TMC3: variants seen among roughly 807,000 people sequenced by gnomAD.
The protein encoded by TMC3 is transmembrane channel like 3.
In TMC3, 98 loss-of-function variants were observed where a neutral mutation model predicts 110.6. That is an observed-to-expected ratio of 0.89 (90% CI 0.75 to 1.05). The LOEUF (loss-of-function observed/expected upper bound fraction) is 1.05. TMC3 is among the 50% of genes least tolerant of loss of function. TMC3 has a pLI of 0.00. For synonymous variants in TMC3, 489 were observed against 513.1 expected (o/e 0.95, Z 0.63); for missense variants, 1,319 against 1,373.2 (o/e 0.96, Z 0.62).
chr15:81,332,599 A>G lies in TMC3; in HGVS notation c.3123T>C (p.Ser1041=). 6.2e-7 allele frequency: 1 copy of G among 1,614,024 alleles called. No individual in the cohort carries two copies. ...KPRFEPSLTE[S]DSVSAASSSD... The stretch of plus-strand genomic sequence containing the variant: ...TGCTGGATGCTGCCGACACGGAGTC[A>G]GATTCCGTGAGGGATGGCTCGAACC... The change falls in exon 22 of 22, where the codon TCT becomes TCC. Residue 1041 remains serine, a synonymous_variant. Transcript: ENST00000359440.
chr15:81,331,469 GAGCTACACTACACTT>G lies in TMC3; in HGVS notation c.*935_*949del, dbSNP rs1893460264. On this transcript the variant is annotated 3_prime_UTR_variant, in exon 22 of 22. Transcript: ENST00000359440. ...TTCTTCTTTAACTTAGACTATGGGGGAGCTACACTACACTTAGCTTTTGAAGGAAAAAGTAAAAAT... is the reference window on the plus strand; with the variant it reads ...TTCTTCTTTAACTTAGACTATGGGGGAGCTTTTGAAGGAAAAAGTAAAAAT... 6.6e-6 allele frequency: 1 copy of G among 152,136 alleles called. No homozygotes were observed. Among genetic ancestry groups the G allele is most frequent in the African/African-American group, 2.4e-5 (1 of 41,436 alleles). The allele number at this position is 152,136 out of a possible 1,614,324, so 9.4% of individuals were successfully genotyped here.
chr15:81,343,333 C>T lies in TMC3; in HGVS notation c.1660G>A (p.Glu554Lys). The change falls in exon 15 of 22, where the codon GAA becomes AAA. Residue 554 changes from glutamate to lysine, a missense_variant. Transcript: ENST00000359440. Reference protein sequence around the residue: ...DLESKFPEYGEFKIAENVLHL... With the variant: ...DLESKFPEYGKFKIAENVLHL... ...AGCACATTCTCAGCTATTTTGAATT[C>T]TCCATATTCAGGCTACAAGAGAAAA... is the stretch of plus-strand genomic sequence containing the variant. 6.2e-7 allele frequency: 1 copy of T among 1,607,964 alleles called. No individual in the cohort carries two copies. Among genetic ancestry groups the T allele is most frequent in the South Asian group, 1.1e-5 (1 of 90,922 alleles).
chr15:81,356,556 G>C lies in TMC3; in HGVS notation c.782C>G (p.Ser261Cys). Residue 261 changes from serine to cysteine, a missense_variant, in exon 8 of 22, where the codon TCC becomes TGC. Coordinates refer to ENST00000359440, the MANE Select transcript of TMC3 (RefSeq NM_001080532.3). ...CCAGCAGAAGGTATAGTTTTCATTG[G>C]AAGCACTGGCAAGACTCGTGCGGGA... Reference protein sequence around the residue: ...KNSRTSLASASNENYTFCWRV... With the variant: ...KNSRTSLASACNENYTFCWRV... The C allele has an allele frequency of 6.3e-7, 1 of 1,587,242 alleles. No homozygotes were observed. The highest frequency in any genetic ancestry group is 8.6e-7 in the Non-Finnish European group (1 of 1,166,714).
At chr15:81,341,748 G>A in intron 15 of TMC3, 2 of 304,334 alleles carry the variant, frequency 6.6e-6, no homozygotes, top group Admixed American at 4.6e-5. Flanking sequence ...TATTTGCAAA[G>A]GACAACTGTT....
chr15:81,342,473 G>T (rs1282457840), intron 15 of TMC3, among the ~76,000 whole-genome samples: 2 of 152,186 alleles, frequency 1.3e-5, no homozygotes, highest in Non-Finnish European at 2.9e-5. Flanking sequence ...ACTACAGGTA[G>T]AAAAGTACTT....
chr15:81,341,598 C>T, intron 15 of TMC3, 80 bp from the exon 16 acceptor site: 1 of 1,485,662 alleles, frequency 6.7e-7, no homozygotes, highest in Non-Finnish European at 9.1e-7. Context: ...CATGCAGGAA[C>T]ATGGTTCTGA....
intron 9 of TMC3, 43 bp downstream of exon 9, chr15:81,355,681 TA>T: frequency 7.4e-7 from 1 of 1,354,668 alleles, no homozygotes; most frequent in Non-Finnish European, 1.0e-6. Context: ...AAACTAAAAA[TA>T]AAACTTATCA....
intron 16 of TMC3, 74 bp downstream of exon 16, chr15:81,341,316 C>T (rs1355231744): frequency 1.4e-6 from 2 of 1,456,918 alleles, no homozygotes; most frequent in African/African-American, 2.8e-5. Flanking sequence ...CTAGAGGACC[C>T]CTGGGTAAGG....
chr15:81,372,661 A>G lies in TMC3; in HGVS notation c.166T>C (p.Phe56Leu), dbSNP rs758647682. 6.2e-7 allele frequency: 1 copy of G among 1,614,010 alleles called. No homozygotes were observed. Among genetic ancestry groups the G allele is most frequent in the Non-Finnish European group, 8.5e-7 (1 of 1,179,894 alleles). The change falls in exon 2 of 22, where the codon TTC (phenylalanine) becomes CTC (leucine). Residue 56 changes from phenylalanine (F) to leucine (L), a missense_variant. Phe to Leu is a conservative substitution (Grantham distance 22). Transcript: ENST00000359440. ...ATGTTTGCCATGAGATCTTTCTGGA[A>G]CTGTATATTCTGGAAGATTTGTTCC... The part of the protein sequence containing the change: ...DPEQIFQNIQ[F>L]QKDLMANIRC...
chr15:81,350,599 A>AT (rs1893927208), intron 10 of TMC3, among the ~76,000 whole-genome samples: 1 of 152,238 alleles, frequency 6.6e-6, no homozygotes, highest in Non-Finnish European at 1.5e-5. Flanking sequence ...ATGGGAAAAG[A>AT]TTATCTAGGG....
chr15:81,358,462 C>CT lies in TMC3; in HGVS notation c.539dup (p.Thr181AspfsTer71). 6.2e-7 allele frequency: 1 copy of CT among 1,613,574 alleles called. No homozygotes were observed. The highest frequency in any genetic ancestry group is 8.5e-7 in the Non-Finnish European group (1 of 1,179,664). The stretch of plus-strand genomic sequence containing the variant: ...ACGAAACCTGCTCCTTGGGGATGGT[C>CT]TTCCTGGCTGTGCTTCCAAAGGGCT... On this transcript the variant is annotated frameshift_variant, in exon 6 of 22. Transcript: ENST00000359440. LOFTEE classifies it high-confidence loss of function.
At chr15:81,365,456 A>G (rs1385186750) in intron 3 of TMC3, among the ~76,000 whole-genome samples, 1 of 152,204 alleles carries the variant, frequency 6.6e-6, no homozygotes, top group Admixed American at 6.5e-5. Flanking sequence ...GCAGATCACA[A>G]GGTCAGGAGT....
chr15:81,331,783 G>A lies in TMC3; in HGVS notation c.*636C>T, dbSNP rs958381885. On this transcript the variant is annotated 3_prime_UTR_variant, in exon 22 of 22. Transcript: ENST00000359440. Reference sequence around the variant, plus strand: ...AGAGACAAAATGGAGCATTCCCCTGGTAAGGGAAGAACCTCGAGTGAGCGC... The same window carrying A: ...AGAGACAAAATGGAGCATTCCCCTGATAAGGGAAGAACCTCGAGTGAGCGC... The A allele has an allele frequency of 6.6e-6, 1 of 152,122 alleles. No individual in the cohort carries two copies. The highest frequency in any genetic ancestry group is 1.5e-5 in the Non-Finnish European group (1 of 68,026). The allele number at this position is 152,122 out of a possible 1,614,324, so 9.4% of individuals were successfully genotyped here.
In TMC3 at chr15:81,345,020, A is replaced by G; in HGVS notation, c.1273-9T>C. ...TTTTTGGTAGCCATTTCCTGGGGAGAGAGAGAGAGAGAGAGAGGGAAGCAG... is the reference window on the plus strand; with the variant it reads ...TTTTTGGTAGCCATTTCCTGGGGAGGGAGAGAGAGAGAGAGAGGGAAGCAG... On this transcript the variant is annotated splice_polypyrimidine_tract_variant and intron_variant, in intron 12 of 21. Transcript: ENST00000359440. 1 of 1,364,248 alleles carries G rather than the reference A, an allele frequency of 7.3e-7. No homozygotes were observed. The highest frequency in any genetic ancestry group is 1.0e-6 in the Non-Finnish European group (1 of 1,000,412). The allele number at this position is 1,364,248 out of a possible 1,614,324, so 84.5% of individuals were successfully genotyped here.
intron 15 of TMC3, among the ~76,000 whole-genome samples, chr15:81,341,929 G>A (rs1469284352): frequency 6.6e-6 from 1 of 152,148 alleles, no homozygotes; most frequent in African/African-American, 2.4e-5. Flanking sequence ...TAGTTTTGCT[G>A]GATATGGCAT....
rs774855363 is a variant in TMC3 at position 81,333,187 on chromosome 15, C to A, written c.2535G>T (p.Thr845=). 6.2e-7 allele frequency: 1 copy of A among 1,613,918 alleles called. No homozygotes were observed. Among genetic ancestry groups the A allele is most frequent in the Non-Finnish European group, 8.5e-7 (1 of 1,179,862 alleles). Residue 845 remains threonine (T), a synonymous_variant, in exon 22 of 22, where the codon ACG becomes ACT. Transcript: ENST00000359440. ...GTTCTGAGTGTACATCTTCGATGTG[C>A]GTTGTAAATGTCATAGGTGTGCGCG... is the stretch of plus-strand genomic sequence containing the variant. ...NRSRTPMTFT[T]HIEDVHSEPL... is the part of the protein sequence containing the mutation.
chr15:81,351,954 T>C, intron 9 of TMC3, 113 bp from the exon 10 acceptor site: 2 of 1,281,804 alleles, frequency 1.6e-6, no homozygotes, highest in Non-Finnish European at 2.1e-6. Flanking sequence ...GAGGATTCTC[T>C]GCCCTGAAGC....
chr15:81,358,254 T>C lies in TMC3; in HGVS notation c.638A>G (p.Tyr213Cys). The change falls in exon 7 of 22, where the codon TAC (tyrosine) becomes TGC (cysteine). Residue 213 changes from tyrosine to cysteine, a missense_variant. Tyr to Cys is a radical substitution (Grantham distance 194, BLOSUM62 -2). Transcript: ENST00000359440. ...LQYSVLFYGY[Y>C]GRERKIGRAG... The stretch of plus-strand genomic sequence containing the variant: ...TCTCCCGATCTTCCTCTCCCTGCCG[T>C]AATATCCGTAGAAGAGGACAGAGTA... 6.2e-7 allele frequency: 1 copy of C among 1,613,040 alleles called. No individual in the cohort carries two copies. The highest frequency in any genetic ancestry group is 8.5e-7 in the Non-Finnish European group (1 of 1,179,506).
At chr15:81,333,401 C>CACAG in intron 21 of TMC3, 139 bp from the exon 22 acceptor site, 1 of 1,190,620 alleles carries the variant, frequency 8.4e-7, no homozygotes, top group Non-Finnish European at 1.2e-6. Flanking sequence ...GGATTGTGTG[C>CACAG]ACAGAGACAT....
Sources: gnomAD v4.1 joint callset for allele counts (sites outside exome capture counted in the v4.1 genomes callset) on GRCh38, gnomAD v4.1.1 for gene constraint, MANE v1.5 for transcripts, NCBI Gene and HGNC (gene_info 2026-07-23, HGNC 2026-07-21) for gene names.